FAM193A: variants seen among roughly 807,000 people sequenced by gnomAD.
The protein encoded by FAM193A is family with sequence similarity 193 member A, also known as protein FAM193A.
A neutral mutation model predicts 126.5 loss-of-function variants in FAM193A; 22 were observed. The ratio of observed to expected loss-of-function variants is 0.17; its 90% CI spans 0.12 to 0.25. The LOEUF (loss-of-function observed/expected upper bound fraction) is 0.25. FAM193A is among the 10% of genes least tolerant of loss of function. The pLI is 1.00. For synonymous variants in FAM193A, 761 were observed against 646.8 expected (o/e 1.18, Z -2.68); for missense variants, 1,675 against 1,672.8 (o/e 1.00, Z -0.02).
intron 2 of FAM193A, among the ~76,000 whole-genome samples, chr4:2,614,636 G>A (rs1418572423): frequency 6.6e-6 from 1 of 152,180 alleles, no homozygotes; most frequent in Non-Finnish European, 1.5e-5. Flanking sequence ...GAGCTAGGAT[G>A]TATTTTCTCT....
At chr4:2,632,680 G>T (rs1266755591) in intron 5 of FAM193A, among the ~76,000 whole-genome samples, 1 of 151,736 alleles carries the variant, frequency 6.6e-6, no homozygotes, top group Non-Finnish European at 1.5e-5. Context: ...GAATGGGTAG[G>T]GTGAGGGGTG....
chr4:2,548,314 G>T (rs904182596), intron 1 of FAM193A, among the ~76,000 whole-genome samples: 1 of 151,454 alleles, frequency 6.6e-6, no homozygotes, highest in Non-Finnish European at 1.5e-5. Flanking sequence ...CAGATTATCC[G>T]CCCGCCTCGG....
intron 6 of FAM193A, among the ~76,000 whole-genome samples, chr4:2,640,195 G>A (rs1293483735): frequency 6.6e-6 from 1 of 152,116 alleles, no homozygotes; most frequent in Non-Finnish European, 1.5e-5. Flanking sequence ...TGGACATGTA[G>A]GGGAAATGGA....
intron 7 of FAM193A, chr4:2,655,229 A>G (rs1711535543): frequency 2.0e-6 from 1 of 497,888 alleles, no homozygotes; most frequent in Non-Finnish European, 3.6e-6. Flanking sequence ...GATTTAGGCT[A>G]TCATTTAAAA....
chr4:2,627,159 C>CTT (rs11385994), intron 4 of FAM193A, among the ~76,000 whole-genome samples: 6,645 of 126,232 alleles, frequency 0.053, 314 homozygotes, highest in Non-Finnish European at 0.063. Context: ...TTTGATGTAA[C>CTT]TTTTTTTTTT....
At chr4:2,722,610 G>A (rs1326299768) in intron 20 of FAM193A, among the ~76,000 whole-genome samples, 4 of 152,190 alleles carry the variant, frequency 2.6e-5, no homozygotes, top group Non-Finnish European at 4.4e-5. Context: ...GCTAGGGACA[G>A]GGAAAGAGAA....
At chr4:2,536,065 G>C (rs1017714615), upstream of FAM193A, among the ~76,000 whole-genome samples, 1 of 152,010 alleles carries the variant, frequency 6.6e-6, no homozygotes, top group Admixed American at 6.6e-5. Flanking sequence ...AGGTCACCGG[G>C]CGTTCCTGGC....
At chr4:2,643,692 G>T (rs1321964858) in intron 6 of FAM193A, among the ~76,000 whole-genome samples, 1 of 152,136 alleles carries the variant, frequency 6.6e-6, no homozygotes, top group Non-Finnish European at 1.5e-5. Flanking sequence ...CTGTCCTGGG[G>T]GTGCTTTGGT....
At chr4:2,554,612 C>T (rs910809913) in intron 1 of FAM193A, among the ~76,000 whole-genome samples, 1 of 151,808 alleles carries the variant, frequency 6.6e-6, no homozygotes. Flanking sequence ...TGGTTTTGTT[C>T]GCTTCTGTAT....
At chr4:2,595,371 G>A (rs1482004281) in intron 1 of FAM193A, among the ~76,000 whole-genome samples, 4 of 152,142 alleles carry the variant, frequency 2.6e-5, no homozygotes, top group Admixed American at 2.6e-4. Context: ...TTCTGTATTT[G>A]TGTTTTAAAG....
At chr4:2,583,623 A>G (rs1577038384) in intron 1 of FAM193A, among the ~76,000 whole-genome samples, 1 of 152,166 alleles carries the variant, frequency 6.6e-6, no homozygotes, top group East Asian at 1.9e-4. Context: ...CCTGCAAAGT[A>G]ATGCAGGCTT....
At chr4:2,707,602 A>G (rs1718447792) in intron 19 of FAM193A, among the ~76,000 whole-genome samples, 2 of 152,140 alleles carry the variant, frequency 1.3e-5, no homozygotes, top group Admixed American at 6.5e-5. Flanking sequence ...TATATTAAAT[A>G]TATTACTGCA....
intron 5 of FAM193A, among the ~76,000 whole-genome samples, chr4:2,637,817 C>T (rs993922414): frequency 6.6e-6 from 1 of 152,244 alleles, no homozygotes; most frequent in African/African-American, 2.4e-5. Flanking sequence ...GCATTGAATT[C>T]AGCGCTAAGG....
chr4:2,727,912 C>T (rs950653917), intron 20 of FAM193A, among the ~76,000 whole-genome samples: 18 of 151,608 alleles, frequency 1.2e-4, no homozygotes, highest in African/African-American at 2.4e-5. Flanking sequence ...AGATGCGCCA[C>T]CATGCCTAGC....
intron 6 of FAM193A, among the ~76,000 whole-genome samples, chr4:2,641,236 G>A (rs943465565): frequency 2.0e-5 from 3 of 151,144 alleles, no homozygotes; most frequent in Admixed American, 6.6e-5. Flanking sequence ...TAGTAGAGAC[G>A]GGGTTTCACC....
At position 2,639,804 on chromosome 4, in the gene FAM193A, G is replaced by A. The variant is rs1172471999; in HGVS notation, c.1108G>A (p.Val370Ile). ...LHNKHLFENL[V>I]FSEPLLQSNL... ...TAATAAACACCTGTTTGAAAATCTGGTCTTTTCGGAGCCACTTCTTCAGAG... is the reference window on the plus strand; with the variant it reads ...TAATAAACACCTGTTTGAAAATCTGATCTTTTCGGAGCCACTTCTTCAGAG... Residue 370 changes from valine (V) to isoleucine (I), a missense_variant, in exon 6 of 21, where the codon GTC becomes ATC. Physicochemically the swap from Val to Ile is conservative, Grantham distance 29. Around this residue, in one of 4 missense-constraint regions of FAM193A, gnomAD observed 1,186 missense variants for 1,109.2 expected, o/e 1.07. Transcript: ENST00000637812. 3.7e-6 allele frequency: 6 copies of A among 1,613,952 alleles called. No homozygotes were observed. In the African/African-American group the frequency reaches 8.0e-5, roughly 22 times the overall value.
At chr4:2,638,861 C>T (rs1393325962) in intron 5 of FAM193A, among the ~76,000 whole-genome samples, 1 of 152,184 alleles carries the variant, frequency 6.6e-6, no homozygotes, top group Non-Finnish European at 1.5e-5. Flanking sequence ...AGGAGCAGAC[C>T]TCTAAACCCA....
intron 1 of FAM193A, among the ~76,000 whole-genome samples, chr4:2,580,911 C>G (rs933276210): frequency 2.6e-5 from 4 of 152,206 alleles, no homozygotes; most frequent in Non-Finnish European, 4.4e-5. Context: ...GGGCAGATCA[C>G]AAGGTCAGGA....
intron 6 of FAM193A, among the ~76,000 whole-genome samples, chr4:2,644,418 C>T (rs1278837655): frequency 1.3e-5 from 2 of 152,080 alleles, no homozygotes; most frequent in Non-Finnish European, 2.9e-5. Context: ...GAATGGAAAC[C>T]AGTCACGGAA....
Sources: allele counts gnomAD v4.1 joint callset (sites outside exome capture counted in the v4.1 genomes callset), GRCh38; gene constraint gnomAD v4.1.1; regional missense constraint gnomAD v4.1.1; transcripts MANE v1.5; gene names NCBI Gene and HGNC (gene_info 2026-07-23, HGNC 2026-07-21).